Variants in ZFAND4 observed in about 807,000 individuals in gnomAD.
ZFAND4 encodes the protein zinc finger AN1-type containing 4.
Under a neutral mutation model 64.4 loss-of-function variants are expected in ZFAND4, and 43 were observed. That is an observed-to-expected ratio of 0.67 (90% confidence interval 0.52 to 0.86). ZFAND4 has a LOEUF of 0.86. Ranked by LOEUF, ZFAND4 falls within the 40% of genes least tolerant of loss-of-function variation. The probability of loss-of-function intolerance (pLI) is 0.00; values close to 1 mark genes in which losing one functional copy is unlikely to be tolerated. For synonymous variants in ZFAND4, 296 were observed against 305.7 expected (o/e 0.97, Z 0.33); for missense variants, 929 against 859.8 (o/e 1.08, Z -1.01).
At chr10:45,652,622 C>A (rs1289296913) in intron 3 of ZFAND4, among the ~76,000 whole-genome samples, 4 of 152,124 alleles carry the variant, frequency 2.6e-5, no homozygotes, top group Non-Finnish European at 4.4e-5. Flanking sequence ...AAGAACAATT[C>A]TCTCTTATCC....
chr10:45,627,290 G>C (rs766622926), intron 6 of ZFAND4, among the ~76,000 whole-genome samples, 185 bp from the exon 7 acceptor site: 3 of 152,076 alleles, frequency 2.0e-5, no homozygotes, highest in Non-Finnish European at 4.4e-5. Flanking sequence ...CCTTCACTGA[G>C]TATACTTTTC....
chr10:45,625,906 A>C (rs1589256996), intron 7 of ZFAND4, 45 bp downstream of exon 7: 1 of 1,511,106 alleles, frequency 6.6e-7, no homozygotes. Flanking sequence ...AAGTTGAATC[A>C]CTACAAGGAT....
intron 2 of ZFAND4, among the ~76,000 whole-genome samples, chr10:45,654,075 C>T (rs2047935055): frequency 6.6e-6 from 1 of 152,062 alleles, no homozygotes; most frequent in Non-Finnish European, 1.5e-5. Flanking sequence ...GAACAGAAAA[C>T]CCAAATAACA....
chr10:45,668,540 C>T (rs2048979466), intron 1 of ZFAND4, among the ~76,000 whole-genome samples: 1 of 152,208 alleles, frequency 6.6e-6, no homozygotes, highest in African/African-American at 2.4e-5. Flanking sequence ...CAATATTAGC[C>T]TTACATGTGA....
At chr10:45,627,332 A>G (rs2045907128) in intron 6 of ZFAND4, among the ~76,000 whole-genome samples, 1 of 152,104 alleles carries the variant, frequency 6.6e-6, no homozygotes, top group African/African-American at 2.4e-5. Context: ...ATTTTGTTTT[A>G]TTTCCTTACT....
At chr10:45,633,255 T>C (rs904402276) in intron 6 of ZFAND4, among the ~76,000 whole-genome samples, 1 of 151,386 alleles carries the variant, frequency 6.6e-6, no homozygotes, top group African/African-American at 2.4e-5. Flanking sequence ...ATCTTATAAA[T>C]ATCTAGCAAA....
chr10:45,660,172 A>AG (rs1589423541), intron 2 of ZFAND4, among the ~76,000 whole-genome samples: 1 of 151,290 alleles, frequency 6.6e-6, no homozygotes, highest in South Asian at 2.1e-4. Context: ...AAAAAAAAAA[A>AG]AAAAAAGAAA....
intron 5 of ZFAND4, among the ~76,000 whole-genome samples, chr10:45,642,812 A>G (rs2047104503): frequency 6.6e-6 from 1 of 151,706 alleles, no homozygotes; most frequent in Admixed American, 6.6e-5. Flanking sequence ...ACTAATTTAT[A>G]AATTTAATCC....
intron 2 of ZFAND4, among the ~76,000 whole-genome samples, chr10:45,655,390 C>T (rs1376893795): frequency 3.3e-5 from 5 of 152,168 alleles, no homozygotes; most frequent in South Asian, 2.1e-4. Context: ...TGAATGCCTA[C>T]ATCAAAAAGT....
intron 3 of ZFAND4, 63 bp downstream of exon 3, chr10:45,652,921 C>T: frequency 8.0e-7 from 1 of 1,256,892 alleles, no homozygotes; most frequent in South Asian, 1.3e-5. Flanking sequence ...AAAAGAAAAA[C>T]ATTAGCATAT....
At chr10:45,656,110 A>G (rs2133814854) in intron 2 of ZFAND4, among the ~76,000 whole-genome samples, 1 of 152,322 alleles carries the variant, frequency 6.6e-6, no homozygotes, top group Non-Finnish European at 1.5e-5. Flanking sequence ...ACGCACCTGT[A>G]GCCCCAGCTA....
chr10:45,636,692 G>A (rs78492264), intron 6 of ZFAND4, among the ~76,000 whole-genome samples: 1 of 151,922 alleles, frequency 6.6e-6, no homozygotes, highest in Non-Finnish European at 1.5e-5. Context: ...GGTTTACCCT[G>A]GTAAATGTTC....
intron 6 of ZFAND4, among the ~76,000 whole-genome samples, chr10:45,629,824 C>CT (rs2046085261): frequency 6.6e-6 from 1 of 152,030 alleles, no homozygotes; most frequent in Admixed American, 6.5e-5. Context: ...GATCATGCCA[C>CT]TACACCCCAG....
chr10:45,667,658 A>G (rs111466895), intron 1 of ZFAND4, among the ~76,000 whole-genome samples: 9,090 of 151,980 alleles, frequency 0.06, 398 homozygotes, highest in African/African-American at 0.12. Flanking sequence ...TAGTAGAGAC[A>G]AGGTTTTACC....
chr10:45,642,382 T>C (rs958247458), intron 5 of ZFAND4, among the ~76,000 whole-genome samples: 7 of 151,460 alleles, frequency 4.6e-5, no homozygotes, highest in Admixed American at 3.9e-4. Flanking sequence ...CCGAGGCGGG[T>C]GGATCACGAG....
chr10:45,626,372 T>C lies in ZFAND4; in HGVS notation c.1451A>G (p.His484Arg), dbSNP rs756840308. 3.1e-6 allele frequency: 5 copies of C among 1,614,098 alleles called. No homozygotes were observed. Among genetic ancestry groups the C allele is most frequent in the East Asian group, 2.2e-5 (1 of 44,898 alleles). ...PLRCSAPMSL[H>R]NSLVKPERQS... ...TCTCTCTGGTTTCACCAGAGAATTA[T>C]GTAGCGACATTGGTGCAGAACAGCG... The change falls in exon 7 of 10, where the codon CAT (histidine) becomes CGT (arginine). Residue 484 changes from histidine to arginine, a missense_variant. Coordinates refer to ENST00000344646, the MANE Select transcript of ZFAND4 (RefSeq NM_174890.4).
intron 2 of ZFAND4, among the ~76,000 whole-genome samples, chr10:45,657,735 G>A (rs1206548032): frequency 4.6e-5 from 7 of 151,848 alleles, no homozygotes; most frequent in African/African-American, 1.7e-4. Flanking sequence ...TCCTTATAAT[G>A]GAACATTACT....
chr10:45,618,399 A>G lies in ZFAND4; in HGVS notation c.1928-139T>C. On this transcript the variant is annotated intron_variant, in intron 8 of 9. Transcript: ENST00000344646. Reference sequence around the variant, plus strand: ...ATTAATTTGTGCTATTTTTATATCTAAAATTACTTATAAAATCTACAGGTC... The same window carrying G: ...ATTAATTTGTGCTATTTTTATATCTGAAATTACTTATAAAATCTACAGGTC... 7.4e-6 allele frequency: 8 copies of G among 1,075,102 alleles called. No homozygotes were observed. In the South Asian group the frequency reaches 9.4e-5, roughly 13 times the overall value. The allele number at this position is 1,075,102 out of a possible 1,614,324, so 66.6% of individuals were successfully genotyped here.
intron 8 of ZFAND4, among the ~76,000 whole-genome samples, chr10:45,620,215 G>A (rs2045315610): frequency 6.6e-6 from 1 of 152,016 alleles, no homozygotes; most frequent in Non-Finnish European, 1.5e-5. Flanking sequence ...TGGGCGCGGT[G>A]GCTCACATCT....
Sources: allele counts gnomAD v4.1 joint callset (sites outside exome capture counted in the v4.1 genomes callset), GRCh38; gene constraint gnomAD v4.1.1; transcripts MANE v1.5; gene names NCBI Gene and HGNC (gene_info 2026-07-23, HGNC 2026-07-21).